CACNA1E: variants seen among roughly 807,000 people sequenced by gnomAD.
The protein encoded by CACNA1E is calcium voltage-gated channel subunit alpha1 E.
CACNA1E carries 40 observed loss-of-function variants against 259.2 expected under a neutral mutation model. That is an observed-to-expected ratio of 0.15 (90% CI 0.12 to 0.20). The LOEUF is 0.20. CACNA1E is among the 10% of genes least tolerant of loss of function. The pLI, the probability that CACNA1E is intolerant of heterozygous loss-of-function variation, is 1.00. For synonymous variants in CACNA1E, 1,104 were observed against 1,138.5 expected (o/e 0.97, Z 0.61); for missense variants, 1,874 against 3,040.1 (o/e 0.62, Z 9.02).
chr1:181,496,954 G>A (rs1026791125), intron 1 of CACNA1E, among the ~76,000 whole-genome samples: 8 of 152,310 alleles, frequency 5.3e-5, no homozygotes, highest in Middle Eastern at 3.4e-3. Context: ...GTGTGGGCTT[G>A]TCTGGAGGTG....
intron 2 of CACNA1E, among the ~76,000 whole-genome samples, chr1:181,465,485 C>G (rs1389951819): frequency 6.6e-6 from 1 of 151,990 alleles, no homozygotes; most frequent in African/African-American, 2.4e-5. Context: ...TTCATTCTGT[C>G]TTCCATGTCT....
At chr1:181,457,301 C>A (rs1210485107) in intron 2 of CACNA1E, among the ~76,000 whole-genome samples, 4 of 152,238 alleles carry the variant, frequency 2.6e-5, no homozygotes, top group Non-Finnish European at 4.4e-5. Context: ...AAAGGCCCCA[C>A]CTCCTAATAC....
chr1:181,344,042 T>C (rs1296234303), intron 1 of CACNA1E, among the ~76,000 whole-genome samples: 1 of 152,192 alleles, frequency 6.6e-6, no homozygotes, highest in East Asian at 1.9e-4. Flanking sequence ...CCAAGAAGCC[T>C]TTCTCAGCCC....
chr1:181,331,059 C>T (rs1186749048), intron 1 of CACNA1E, among the ~76,000 whole-genome samples: 1 of 152,112 alleles, frequency 6.6e-6, no homozygotes, highest in Non-Finnish European at 1.5e-5. Flanking sequence ...TATGGCATCT[C>T]AGAGCCTCAA....
At position 181,721,895 on chromosome 1, in the gene CACNA1E, C is replaced by T. The variant is rs1572700528; in HGVS notation, c.2074+20C>T. 3 of 1,430,706 alleles carry T rather than the reference C, an allele frequency of 2.1e-6. No homozygotes were observed. The highest frequency in any genetic ancestry group is 2.3e-5 in the East Asian group (1 of 43,968). The allele number at this position is 1,430,706 out of a possible 1,614,324, so 88.6% of individuals were successfully genotyped here. A position where few individuals can be genotyped will look rare whatever the true frequency, so the allele number is the denominator to read the frequency against. ...GCAACTGTATCCTTTTTAAGATGCA[C>T]CTCCTCAAGCTGCCTGCCTTCCTGG... is the stretch of plus-strand genomic sequence containing the variant. On this transcript the variant is annotated intron_variant, in intron 16 of 47. Transcript: ENST00000367573.
intron 7 of CACNA1E, among the ~76,000 whole-genome samples, chr1:181,704,961 G>T (rs1652649986): frequency 6.6e-6 from 1 of 152,084 alleles, no homozygotes; most frequent in Non-Finnish European, 1.5e-5. Context: ...CACATAACAT[G>T]GGCAGACATT....
intron 3 of CACNA1E, among the ~76,000 whole-genome samples, chr1:181,524,834 C>G (rs1006167741): frequency 1.3e-5 from 2 of 152,176 alleles, no homozygotes. Context: ...TGGGCAGCTG[C>G]CTTCTAGCAA....
intron 8 of CACNA1E, among the ~76,000 whole-genome samples, chr1:181,714,029 G>C (rs191311709): frequency 4.6e-5 from 7 of 152,200 alleles, no homozygotes; most frequent in Non-Finnish European, 1.0e-4. Flanking sequence ...ACACCAACTA[G>C]GTGTTCAACA....
At chr1:181,540,903 A>G (rs9782961) in intron 3 of CACNA1E, among the ~76,000 whole-genome samples, 66,950 of 152,052 alleles carry the variant, frequency 0.44, 16,695 homozygotes, top group Middle Eastern at 0.56. Flanking sequence ...AAAAATCCAA[A>G]ATCAGGAAAT....
intron 1 of CACNA1E, among the ~76,000 whole-genome samples, chr1:181,408,504 G>C (rs1395862308): frequency 2.0e-5 from 3 of 152,180 alleles, no homozygotes; most frequent in Non-Finnish European, 2.9e-5. Flanking sequence ...ACTCTGGAAG[G>C]GTGACAGGGA....
At chr1:181,544,598 G>T (rs987351361) in intron 3 of CACNA1E, among the ~76,000 whole-genome samples, 1 of 152,200 alleles carries the variant, frequency 6.6e-6, no homozygotes, top group African/African-American at 2.4e-5. Flanking sequence ...ACAAATGGTG[G>T]CAGTGGTGGG....
intron 3 of CACNA1E, among the ~76,000 whole-genome samples, chr1:181,514,083 T>C (rs1182819428): frequency 6.6e-6 from 1 of 152,172 alleles, no homozygotes; most frequent in Non-Finnish European, 1.5e-5. Flanking sequence ...AGATCCCTGC[T>C]GAGGGGCTGA....
chr1:181,585,011 TC>T (rs375804432), intron 6 of CACNA1E, among the ~76,000 whole-genome samples: 41 of 146,042 alleles, frequency 2.8e-4, no homozygotes, highest in South Asian at 4.3e-4. Context: ...AATAAACTGG[TC>T]CCCCCCCCTG....
chr1:181,409,362 A>G (rs575811299), intron 1 of CACNA1E, among the ~76,000 whole-genome samples: 4 of 152,210 alleles, frequency 2.6e-5, no homozygotes, highest in Non-Finnish European at 4.4e-5. Flanking sequence ...TATCACTTCC[A>G]CTCACAACTC....
chr1:181,670,348 T>C (rs754278703), intron 7 of CACNA1E, among the ~76,000 whole-genome samples: 9 of 152,238 alleles, frequency 5.9e-5, no homozygotes, highest in Non-Finnish European at 1.0e-4. Context: ...GTTAGAGTTG[T>C]AGTTGAATTA....
chr1:181,415,282 T>C (rs1020206158), intron 2 of CACNA1E, among the ~76,000 whole-genome samples: 1 of 152,088 alleles, frequency 6.6e-6, no homozygotes, highest in African/African-American at 2.4e-5. Flanking sequence ...GGAAATAACT[T>C]TTATGTCTCT....
chr1:181,724,322 C>T, intron 16 of CACNA1E, 148 bp from the exon 17 acceptor site: 1 of 629,134 alleles, frequency 1.6e-6, no homozygotes, highest in South Asian at 1.9e-5. Flanking sequence ...ATCTCCCTCT[C>T]TGTTCTCACA....
chr1:181,520,209 G>A (rs1050633830), intron 3 of CACNA1E, among the ~76,000 whole-genome samples: 1 of 152,136 alleles, frequency 6.6e-6, no homozygotes, highest in African/African-American at 2.4e-5. Flanking sequence ...AAAACTTAAA[G>A]AGGCAAAGTC....
At chr1:181,547,405 G>A (rs1647610066) in intron 3 of CACNA1E, among the ~76,000 whole-genome samples, 1 of 152,178 alleles carries the variant, frequency 6.6e-6, no homozygotes, top group Admixed American at 6.5e-5. Context: ...CCTCTTTCCT[G>A]TGCATCTTTC....
Sources: gnomAD v4.1 joint callset for allele counts (sites outside exome capture counted in the v4.1 genomes callset) on GRCh38, gnomAD v4.1.1 for gene constraint, MANE v1.5 for transcripts, NCBI Gene and HGNC (gene_info 2026-07-23, HGNC 2026-07-21) for gene names.